Variants in ZNF672 observed in about 807,000 individuals in gnomAD.
The protein encoded by ZNF672 is zinc finger protein 672.
For missense variants in ZNF672, 733 were observed against 701.1 expected (o/e 1.05, Z -0.51); for synonymous variants, 358 against 305.6 (o/e 1.17, Z -1.79).
chr1:248,848,535 C>A lies in ZNF672; in HGVS notation c.1261C>A (p.Arg421Ser). 1.3e-6 allele frequency: 2 copies of A among 1,598,040 alleles called. No homozygotes were observed. The highest frequency in any genetic ancestry group is 1.3e-5 in the African/African-American group (1 of 74,606). Residue 421 changes from arginine (R) to serine (S), a missense_variant, in exon 4 of 4, where the codon CGC becomes AGC. Coordinates refer to ENST00000306562, the MANE Select transcript of ZNF672 (RefSeq NM_024836.3). ...GCATCAGCGGGCCCACACGCGCGCC[C>A]GCACCGCTGCCGCCGTTGCCATCCA... ...SQHQRAHTRA[R>S]TAAAVAIQSA...
At position 248,848,532 on chromosome 1, in the gene ZNF672, G is replaced by A. The variant is rs768624539; in HGVS notation, c.1258G>A (p.Ala420Thr). The A allele has an allele frequency of 6.1e-5, 97 of 1,597,520 alleles. No individual in the cohort carries two copies. Among genetic ancestry groups the A allele is most frequent in the Non-Finnish European group, 7.9e-5 (93 of 1,171,452 alleles). The change falls in exon 4 of 4, where the codon GCC (alanine) becomes ACC (threonine). Residue 420 changes from alanine (A) to threonine (T), a missense_variant. Physicochemically the swap from Ala to Thr is moderately conservative, Grantham distance 58 (BLOSUM62 0). Transcript: ENST00000306562. The stretch of plus-strand genomic sequence containing the variant: ...ACAGCATCAGCGGGCCCACACGCGC[G>A]CCCGCACCGCTGCCGCCGTTGCCAT... ...LSQHQRAHTRARTAAAVAIQS... is the reference protein window; with the variant it reads ...LSQHQRAHTRTRTAAAVAIQS...
rs1659294710 is a variant in ZNF672, at chr1:248,849,390, C to G, written c.*757C>G. ...GTGGGTGCACAAAGCCAGGCACTGC[C>G]AAGTGGAACATGAGGTTATTTCCAA... On this transcript the variant is annotated 3_prime_UTR_variant, in exon 4 of 4. Coordinates refer to ENST00000306562, the MANE Select transcript of ZNF672 (RefSeq NM_024836.3). 3.1e-6 allele frequency: 1 copy of G among 324,630 alleles called. No individual in the cohort carries two copies. Among genetic ancestry groups the G allele is most frequent in the East Asian group, 8.4e-5 (1 of 11,876 alleles). 20.1% of individuals were successfully genotyped at this position (324,630 alleles called of 1,614,324 possible).
At position 248,848,721 on chromosome 1, in the gene ZNF672, G is replaced by C. The variant is rs1005435821; in HGVS notation, c.*88G>C. 3.4e-6 allele frequency: 5 copies of C among 1,471,794 alleles called. No individual in the cohort carries two copies. In the African/African-American group the frequency reaches 5.7e-5, roughly 17 times the overall value. The allele number at this position is 1,471,794 out of a possible 1,614,324, so 91.2% of individuals were successfully genotyped here. ...GGGACAGTTGAGGCAACTCGTAGAT[G>C]GAGATTTGGGAAAAGACGATGTGGC... On this transcript the variant is annotated 3_prime_UTR_variant, in exon 4 of 4. Coordinates refer to ENST00000306562, the MANE Select transcript of ZNF672 (RefSeq NM_024836.3).
rs1252872990 is a variant in ZNF672 at position 248,848,285 on chromosome 1, G to GC, written c.1014dup (p.Tyr339LeufsTer101). The GC allele has an allele frequency of 1.8e-5, 29 of 1,602,988 alleles. No homozygotes were observed. The highest frequency in any genetic ancestry group is 2.4e-5 in the Non-Finnish European group (28 of 1,179,492). ...ACCGGCGCACGCACACGGGCGAGAA[G>GC]CCCTACCGCTGCGAACTGTGCGGCA... is the stretch of plus-strand genomic sequence containing the variant. On this transcript the variant is annotated frameshift_variant, in exon 4 of 4. Transcript: ENST00000306562. LOFTEE classifies it low-confidence loss of function (END_TRUNC).
chr1:248,849,311 C>G lies in ZNF672; in HGVS notation c.*678C>G, dbSNP rs1659292128. 18 of 368,832 alleles carry G rather than the reference C, an allele frequency of 4.9e-5. No homozygotes were observed. The highest frequency in any genetic ancestry group is 3.7e-4 in the South Asian group (17 of 46,422). The allele number at this position is 368,832 out of a possible 1,614,324, so 22.8% of individuals were successfully genotyped here. Reference sequence around the variant, plus strand: ...GGCAGATCAAGGGGCCTCTCAGAACCATGTTCCCCAGCCAGGTGAGGACCA... The same window carrying G: ...GGCAGATCAAGGGGCCTCTCAGAACGATGTTCCCCAGCCAGGTGAGGACCA... On this transcript the variant is annotated 3_prime_UTR_variant, in exon 4 of 4. Transcript: ENST00000306562.
chr1:248,840,505 T>G (rs912948441), intron 1 of ZNF672, among the ~76,000 whole-genome samples: 2 of 152,222 alleles, frequency 1.3e-5, no homozygotes, highest in African/African-American at 4.8e-5. Flanking sequence ...TCTCTGGTTC[T>G]GCTACACAGG....
Position 248,847,942 on chromosome 1 carries a change from G to A in ZNF672, c.668G>A (p.Gly223Glu), listed in dbSNP as rs751138795. The part of the protein sequence containing the change: ...TLTRHLQTHS[G>E]EKPFKCPECG... ...ACGCGACACCTGCAGACGCACTCGG[G>A]GGAGAAACCCTTCAAGTGCCCGGAG... The change falls in exon 4 of 4, where the codon GGG becomes GAG. Residue 223 changes from glycine to glutamate, a missense_variant. Physicochemically the swap from Gly to Glu is moderately conservative, Grantham distance 98. Transcript: ENST00000306562. 45 of 1,573,978 alleles carry A rather than the reference G, an allele frequency of 2.9e-5. No homozygotes were observed. The East Asian group carries it at 4.7e-4, about 16-fold the overall frequency.
chr1:248,844,221 C>T (rs574967358), intron 1 of ZNF672, among the ~76,000 whole-genome samples: 53 of 151,936 alleles, frequency 3.5e-4, no homozygotes, highest in Non-Finnish European at 6.6e-4. Context: ...TGTTTTGTTT[C>T]GGGTTTTTTT....
At position 248,838,455 on chromosome 1, in the gene ZNF672, C is replaced by G. The variant is rs1260243714; in HGVS notation, c.-571C>G. 1.3e-5 allele frequency: 2 copies of G among 152,240 alleles called. No individual in the cohort carries two copies. The highest frequency in any genetic ancestry group is 6.5e-5 in the Admixed American group (1 of 15,288). The allele number at this position is 152,240 out of a possible 1,614,324, so 9.4% of individuals were successfully genotyped here. ...AGGCCGCGCGCGCCGTTAGCCCCTT[C>G]CTCGCTCCCCCGCCCCAGTCCCGCA... On this transcript the variant is annotated 5_prime_UTR_variant, in exon 1 of 4. Coordinates refer to ENST00000306562, the MANE Select transcript of ZNF672 (RefSeq NM_024836.3).
In ZNF672 at chr1:248,847,828, ACGTGTCCCGGAGCCCCACGCGACCC is replaced by A; in HGVS notation, c.561_585del (p.Arg188GlnfsTer19). On this transcript the variant is annotated frameshift_variant, in exon 4 of 4. Transcript: ENST00000306562. LOFTEE classifies it low-confidence loss of function (END_TRUNC). ...GGGCTGCGGAGTCACGCGCGCATCCACGTGTCCCGGAGCCCCACGCGACCCCGTGTCTCAGACGCCCACCAGTGTG... is the reference window on the plus strand; with the variant it reads ...GGGCTGCGGAGTCACGCGCGCATCCACGTGTCTCAGACGCCCACCAGTGTG... The A allele has an allele frequency of 6.4e-7, 1 of 1,566,080 alleles. No homozygotes were observed. Among genetic ancestry groups the A allele is most frequent in the Non-Finnish European group, 8.6e-7 (1 of 1,160,342 alleles).
Position 248,847,607 on chromosome 1 carries a change from C to T in ZNF672, c.333C>T (p.Leu111=), listed in dbSNP as rs914511998. Reference sequence around the variant, plus strand: ...CATGCGGCCGGCGCTTCCCGCACCTCCCGGCGCTGCTGCTACACCGGCGCC... The same window carrying T: ...CATGCGGCCGGCGCTTCCCGCACCTTCCGGCGCTGCTGCTACACCGGCGCC... The part of the protein sequence containing the change: ...CRTCGRRFPH[L]PALLLHRRRQ... The change falls in exon 4 of 4, where the codon CTC becomes CTT. Residue 111 remains leucine (L), a synonymous_variant. Coordinates refer to ENST00000306562, the MANE Select transcript of ZNF672 (RefSeq NM_024836.3). 1.3e-6 allele frequency: 2 copies of T among 1,535,530 alleles called. No homozygotes were observed. The highest frequency in any genetic ancestry group is 2.4e-5 in the South Asian group (2 of 84,508).
rs773144938 is a variant in ZNF672, at chr1:248,848,535, C to T, written c.1261C>T (p.Arg421Cys). Residue 421 changes from arginine (R) to cysteine (C), a missense_variant, in exon 4 of 4, where the codon CGC becomes TGC. Transcript: ENST00000306562. ...SQHQRAHTRA[R>C]TAAAVAIQSA... ...GCATCAGCGGGCCCACACGCGCGCC[C>T]GCACCGCTGCCGCCGTTGCCATCCA... The T allele has an allele frequency of 1.3e-6, 2 of 1,597,924 alleles. No individual in the cohort carries two copies. The highest frequency in any genetic ancestry group is 1.7e-6 in the Non-Finnish European group (2 of 1,171,608).
intron 1 of ZNF672, 135 bp from the exon 2 acceptor site, chr1:248,844,348 C>T (rs1226789072): frequency 1.3e-5 from 2 of 152,152 alleles, no homozygotes; most frequent in African/African-American, 4.8e-5. Context: ...CCAAACTTTC[C>T]TGTACTTTTT....
chr1:248,849,040 C>T lies in ZNF672; in HGVS notation c.*407C>T, dbSNP rs1034685825. On this transcript the variant is annotated 3_prime_UTR_variant, in exon 4 of 4. Transcript: ENST00000306562. ...CCCACATCTTCTCCTTTCCTGATTA[C>T]TTTTGTTGTCCTGCCTCTTCAGGTA... 3 of 495,196 alleles carry T rather than the reference C, an allele frequency of 6.1e-6. No individual in the cohort carries two copies. Among genetic ancestry groups the T allele is most frequent in the Admixed American group, 2.3e-5 (1 of 43,224 alleles). The allele number at this position is 495,196 out of a possible 1,614,324, so 30.7% of individuals were successfully genotyped here.
chr1:248,839,732 ATTTTTTTTTTTT>A (rs774234469), intron 1 of ZNF672, among the ~76,000 whole-genome samples: 3 of 113,902 alleles, frequency 2.6e-5, no homozygotes, highest in South Asian at 5.9e-4. Context: ...AGTGTTAGCA[ATTTTTTTTTTTT>A]TTTTTTTTTT....
At position 248,849,352 on chromosome 1, in the gene ZNF672, A is replaced by G; in HGVS notation, c.*719A>G. 1 of 355,110 alleles carries G rather than the reference A, an allele frequency of 2.8e-6. No homozygotes were observed. The allele number at this position is 355,110 out of a possible 1,614,324, so 22.0% of individuals were successfully genotyped here. A position where few individuals can be genotyped will look rare whatever the true frequency, so the allele number is the denominator to read the frequency against. On this transcript the variant is annotated 3_prime_UTR_variant, in exon 4 of 4. Transcript: ENST00000306562. ...GTGAGGACCATTTTCACTGGGACCCAGGCCAAAACCATGTGGGTGCACAAA... is the reference window on the plus strand; with the variant it reads ...GTGAGGACCATTTTCACTGGGACCCGGGCCAAAACCATGTGGGTGCACAAA...
In ZNF672 at chr1:248,847,802, C is replaced by T. The variant is rs773272530; in HGVS notation, c.528C>T (p.Ala176=). The change falls in exon 4 of 4, where the codon GCC becomes GCT. Residue 176 remains alanine (A), a synonymous_variant. Transcript: ENST00000306562. ...AQCPRAFRSG[A]GLRSHARIHV... ...GCCCGCGAGCCTTCCGAAGCGGCGC[C>T]GGGCTGCGGAGTCACGCGCGCATCC... is the stretch of plus-strand genomic sequence containing the variant. The T allele has an allele frequency of 8.4e-6, 13 of 1,545,134 alleles. No homozygotes were observed. In the African/African-American group the frequency reaches 1.5e-4, roughly 18 times the overall value.
chr1:248,849,221 C>T lies in ZNF672; in HGVS notation c.*588C>T. On this transcript the variant is annotated 3_prime_UTR_variant, in exon 4 of 4. Transcript: ENST00000306562. The stretch of plus-strand genomic sequence containing the variant: ...CTCCATGCTAGGAGCTGCCTGCACC[C>T]TGGCAGAGGTGGCCAGTCACGTGAA... 2.5e-6 allele frequency: 1 copy of T among 404,478 alleles called. No homozygotes were observed. The highest frequency in any genetic ancestry group is 1.9e-5 in the South Asian group (1 of 51,450). 25.1% of individuals were successfully genotyped at this position (404,478 alleles called of 1,614,324 possible).
chr1:248,847,849 G>A lies in ZNF672; in HGVS notation c.575G>A (p.Arg192Gln), dbSNP rs1041094222. 5.1e-6 allele frequency: 8 copies of A among 1,579,832 alleles called. No homozygotes were observed. The highest frequency in any genetic ancestry group is 1.1e-5 in the South Asian group (1 of 87,998). Residue 192 changes from arginine (R) to glutamine (Q), a missense_variant, in exon 4 of 4, where the codon CGA (arginine) becomes CAA (glutamine). Coordinates refer to ENST00000306562, the MANE Select transcript of ZNF672 (RefSeq NM_024836.3). ...ARIHVSRSPT[R>Q]PRVSDAHQCG... Reference sequence around the variant, plus strand: ...ATCCACGTGTCCCGGAGCCCCACGCGACCCCGTGTCTCAGACGCCCACCAG... The same window carrying A: ...ATCCACGTGTCCCGGAGCCCCACGCAACCCCGTGTCTCAGACGCCCACCAG...
Sources: gnomAD v4.1 joint callset for allele counts (sites outside exome capture counted in the v4.1 genomes callset) on GRCh38, gnomAD v4.1.1 for gene constraint, MANE v1.5 for transcripts, NCBI Gene and HGNC (gene_info 2026-07-23, HGNC 2026-07-21) for gene names.